Variants in RNF220 observed in about 807,000 individuals in gnomAD.
RNF220 encodes ring finger protein 220, also known as E3 ubiquitin-protein ligase RNF220.
A neutral mutation model predicts 67.1 loss-of-function variants in RNF220; 7 were observed. That is an observed-to-expected ratio of 0.10 (90% CI 0.06 to 0.20). The LOEUF is 0.20. RNF220 is among the 10% of genes least tolerant of loss of function. The probability of loss-of-function intolerance (pLI) is 1.00; values close to 1 mark genes in which losing one functional copy is unlikely to be tolerated. For synonymous variants in RNF220, 270 were observed against 283.2 expected (o/e 0.95, Z 0.47); for missense variants, 565 against 740.3 (o/e 0.76, Z 2.75).
intron 2 of RNF220, among the ~76,000 whole-genome samples, chr1:44,575,896 G>A (rs1484585580): frequency 2.6e-5 from 4 of 152,186 alleles, no homozygotes; most frequent in African/African-American, 7.2e-5. Context: ...AGAAACATTT[G>A]TTTAATAAAT....
chr1:44,528,880 C>A (rs902502444), intron 2 of RNF220, among the ~76,000 whole-genome samples: 2 of 152,212 alleles, frequency 1.3e-5, no homozygotes, highest in African/African-American at 4.8e-5. Context: ...TCCCAAAGTG[C>A]TGGGATTACA....
chr1:44,624,716 C>T lies in RNF220; in HGVS notation c.805-1581C>T, dbSNP rs529524211. Among the ~76,000 whole-genome samples, 74 of 152,168 alleles carry T rather than the reference C, an allele frequency of 4.9e-4. No individual in the cohort carries two copies. The highest frequency in any genetic ancestry group is 5.3e-4 in the Non-Finnish European group (36 of 68,008). On this transcript the variant is annotated intron_variant, in intron 4 of 14. Transcript: ENST00000361799. This position sits in a 1 kb window ranked among gnomAD's most constrained non-coding sequence, Gnocchi z 4.2. ...GAGGAGAGGGCGAGGGGGCCTTAGA[C>T]AAGATTGATGGCCTCGTTGCCATTA...
chr1:44,491,116 A>G (rs1572664110), intron 2 of RNF220, among the ~76,000 whole-genome samples: 1 of 152,218 alleles, frequency 6.6e-6, no homozygotes, highest in African/African-American at 2.4e-5. Context: ...AGAAAAGTCC[A>G]AGTCCAGATT....
intron 2 of RNF220, among the ~76,000 whole-genome samples, chr1:44,554,228 A>G (rs1055305149): frequency 1.3e-5 from 2 of 152,066 alleles, no homozygotes; most frequent in African/African-American, 4.8e-5. Context: ...GGGTCTTCTT[A>G]TCCACTCAGG....
chr1:44,558,251 C>T (rs1663275296), intron 2 of RNF220, among the ~76,000 whole-genome samples: 1 of 152,186 alleles, frequency 6.6e-6, no homozygotes, highest in South Asian at 2.1e-4. Context: ...CCAACTAAAT[C>T]CAAAAGGATG....
At chr1:44,473,922 C>T (rs1310946312) in intron 2 of RNF220, among the ~76,000 whole-genome samples, 3 of 152,266 alleles carry the variant, frequency 2.0e-5, no homozygotes, top group Admixed American at 6.5e-5. Flanking sequence ...CTTACCATAA[C>T]TCAGCTGTAC....
intron 2 of RNF220, among the ~76,000 whole-genome samples, chr1:44,461,057 C>T (rs1653714371): frequency 1.3e-5 from 2 of 152,200 alleles, no homozygotes; most frequent in Non-Finnish European, 2.9e-5. Flanking sequence ...ATGTCTCTCT[C>T]TTAGCTAAAG....
At chr1:44,507,871 C>A (rs1486004212) in intron 2 of RNF220, among the ~76,000 whole-genome samples, 2 of 151,874 alleles carry the variant, frequency 1.3e-5, no homozygotes, top group Non-Finnish European at 2.9e-5. Context: ...AGGTGCCCCC[C>A]CCTCACCACA....
At chr1:44,591,694 G>A (rs899265412) in intron 2 of RNF220, among the ~76,000 whole-genome samples, 1 of 152,186 alleles carries the variant, frequency 6.6e-6, no homozygotes, top group Non-Finnish European at 1.5e-5. Context: ...AGTCCTCCCG[G>A]CTCTGAAATG....
chr1:44,644,714 G>A lies in RNF220; in HGVS notation c.1143G>A (p.Met381Ile), dbSNP rs1163462541. The change falls in exon 9 of 15, where the codon ATG (methionine) becomes ATA (isoleucine). Residue 381 changes from methionine (M) to isoleucine (I), a missense_variant. By Grantham distance (10) the Met-to-Ile change is conservative (BLOSUM62 1). Coordinates refer to ENST00000361799, the MANE Select transcript of RNF220 (RefSeq NM_018150.4). ...TTCCCACAGGCTCTGGCTTCATCAT[G>A]TGCAGCGGCAAAGAGAACCCGGACA... The part of the protein sequence containing the change: ...EGGFRGSGFI[M>I]CSGKENPDSD... The A allele has an allele frequency of 3.7e-6, 6 of 1,613,942 alleles. No individual in the cohort carries two copies. The highest frequency in any genetic ancestry group is 5.1e-6 in the Non-Finnish European group (6 of 1,179,992).
chr1:44,504,485 A>G (rs559978167), intron 2 of RNF220, among the ~76,000 whole-genome samples: 1 of 152,160 alleles, frequency 6.6e-6, no homozygotes, highest in Non-Finnish European at 1.5e-5. Context: ...CAGAAGTTCG[A>G]GGGGCTGATC....
intron 2 of RNF220, among the ~76,000 whole-genome samples, chr1:44,480,281 C>T (rs1269102184): frequency 6.6e-6 from 1 of 151,984 alleles, no homozygotes; most frequent in African/African-American, 2.4e-5. Context: ...ATGGTGCATG[C>T]CTGTAGTCCC....
rs931989593 is a variant in RNF220 at position 44,467,501 on chromosome 1, G to A, written c.625+54779G>A. On this transcript the variant is annotated intron_variant, in intron 2 of 14. Coordinates refer to ENST00000361799, the MANE Select transcript of RNF220 (RefSeq NM_018150.4). ...GCTGGGATTACAGGCGTGAGCCACC[G>A]CACCTGGCTGCTTCAGACTTTTCTT... 5.3e-5 allele frequency among the ~76,000 whole-genome samples: 8 copies of A among 152,316 alleles called. 1 individual carries two copies. The highest frequency in any genetic ancestry group is 1.9e-4 in the East Asian group (1 of 5,184).
intron 2 of RNF220, among the ~76,000 whole-genome samples, chr1:44,427,294 C>G (rs979726828): frequency 6.6e-6 from 1 of 152,190 alleles, no homozygotes; most frequent in African/African-American, 2.4e-5. Flanking sequence ...CACGAGGTAA[C>G]AAGAATAATA....
At chr1:44,524,906 C>G (rs913044667) in intron 2 of RNF220, among the ~76,000 whole-genome samples, 3 of 152,024 alleles carry the variant, frequency 2.0e-5, no homozygotes, top group African/African-American at 7.3e-5. Context: ...TCTCGTTGAG[C>G]TTTTGAAATG....
intron 3 of RNF220, among the ~76,000 whole-genome samples, 190 bp downstream of exon 3, chr1:44,614,487 CT>C (rs1442337338): frequency 6.6e-6 from 1 of 152,322 alleles, no homozygotes; most frequent in Admixed American, 6.5e-5. Context: ...CCTCTTCTTG[CT>C]CTATTTTTGG....
At chr1:44,505,493 G>T (rs1658333803) in intron 2 of RNF220, among the ~76,000 whole-genome samples, 1 of 152,256 alleles carries the variant, frequency 6.6e-6, no homozygotes, top group Admixed American at 6.5e-5. Context: ...GTTAACCCCT[G>T]CGGCTGGCCC....
At chr1:44,578,085 G>A (rs187301411) in intron 2 of RNF220, among the ~76,000 whole-genome samples, 1 of 150,514 alleles carries the variant, frequency 6.6e-6, no homozygotes, top group East Asian at 2.0e-4. Context: ...CAGATGATGG[G>A]TAGAATCTTC....
intron 2 of RNF220, among the ~76,000 whole-genome samples, chr1:44,478,715 CTG>C (rs1655512308): frequency 6.6e-6 from 1 of 152,088 alleles, no homozygotes; most frequent in Non-Finnish European, 1.5e-5. Flanking sequence ...GAGCGAGACT[CTG>C]TCTCTAAAAA....
Sources: gnomAD v4.1 joint callset for allele counts (sites outside exome capture counted in the v4.1 genomes callset) on GRCh38, gnomAD v4.1.1 for gene constraint, Gnocchi (gnomAD v3.1) non-coding constraint, MANE v1.5 for transcripts, NCBI Gene and HGNC (gene_info 2026-07-23, HGNC 2026-07-21) for gene names.